IPPK: variants seen among roughly 807,000 people sequenced by gnomAD.
IPPK encodes inositol-pentakisphosphate 2-kinase.
A neutral mutation model predicts 64.6 loss-of-function variants in IPPK; 22 were observed. That is an observed-to-expected ratio of 0.34 (90% CI 0.24 to 0.49). IPPK has a LOEUF of 0.49. Ranked by LOEUF, IPPK falls within the 20% of genes least tolerant of loss-of-function variation. The pLI, the probability that IPPK is intolerant of heterozygous loss-of-function variation, is 0.99. For missense variants in IPPK, 532 were observed against 630.7 expected (o/e 0.84, Z 1.68); for synonymous variants, 262 against 247.2 (o/e 1.06, Z -0.56).
At chr9:92,665,532 C>A (rs1852576682) in intron 1 of IPPK, among the ~76,000 whole-genome samples, 1 of 123,688 alleles carries the variant, frequency 8.1e-6, no homozygotes, top group Non-Finnish European at 1.6e-5. Context: ...AAAAATTAAT[C>A]TTTTTTCCTG....
chr9:92,649,070 C>G (rs1852205205), intron 5 of IPPK, among the ~76,000 whole-genome samples: 1 of 152,206 alleles, frequency 6.6e-6, no homozygotes, highest in South Asian at 2.1e-4. Flanking sequence ...GCAGGCATGG[C>G]CAGCAGGGAG....
In IPPK at chr9:92,614,962, A is replaced by G. The variant is rs1358737493; in HGVS notation, c.*870T>C. The G allele has an allele frequency of 6.6e-6, 1 of 152,284 alleles. No individual in the cohort carries two copies. Among genetic ancestry groups the G allele is most frequent in the African/African-American group, 2.4e-5 (1 of 41,430 alleles). 9.4% of individuals were successfully genotyped at this position (152,284 alleles called of 1,614,324 possible). A position where few individuals can be genotyped will look rare whatever the true frequency, so the allele number is the denominator to read the frequency against. On this transcript the variant is annotated 3_prime_UTR_variant, in exon 13 of 13. Coordinates refer to ENST00000287996, the MANE Select transcript of IPPK (RefSeq NM_022755.6). The stretch of plus-strand genomic sequence containing the variant: ...CGAGGGAGGAACTTGGTCTGGGAGG[A>G]AGAGAGAACTCGCTCCTCAACCACC...
chr9:92,636,899 G>A (rs1163114802), intron 9 of IPPK, among the ~76,000 whole-genome samples: 1 of 152,068 alleles, frequency 6.6e-6, no homozygotes, highest in Admixed American at 6.6e-5. Context: ...GGTGCCATCT[G>A]TCGTTGCAGA....
In IPPK at chr9:92,638,267, A is replaced by G; in HGVS notation, c.650T>C (p.Ile217Thr). The G allele has an allele frequency of 6.2e-7, 1 of 1,613,330 alleles. No individual in the cohort carries two copies. Among genetic ancestry groups the G allele is most frequent in the Non-Finnish European group, 8.5e-7 (1 of 1,179,382 alleles). ...NLKIFKNGEL[I>T]YGCKDARSPV... ...GCTCCGGGCATCTTTGCAGCCGTAA[A>G]TCAGCTCACCATTCTTCAGACAGGG... Residue 217 changes from isoleucine to threonine, a missense_variant, in exon 9 of 13, where the codon ATT (isoleucine) becomes ACT (threonine). Coordinates refer to ENST00000287996, the MANE Select transcript of IPPK (RefSeq NM_022755.6).
chr9:92,627,788 A>G (rs866120049), intron 11 of IPPK, among the ~76,000 whole-genome samples: 4 of 152,232 alleles, frequency 2.6e-5, no homozygotes, highest in African/African-American at 9.6e-5. Context: ...GACCAAGAAC[A>G]AATCAGGGAT....
intron 4 of IPPK, among the ~76,000 whole-genome samples, chr9:92,651,502 A>G (rs1274133110): frequency 6.6e-6 from 1 of 152,246 alleles, no homozygotes; most frequent in East Asian, 1.9e-4. Context: ...CCTGTTCCTC[A>G]GAAGGACACA....
At position 92,636,574 on chromosome 9, in the gene IPPK, G is replaced by C. The variant is rs573400104; in HGVS notation, c.917-1266C>G. Among the ~76,000 whole-genome samples the C allele has an allele frequency of 2.0e-5, 3 of 152,250 alleles. No individual in the cohort carries two copies. The South Asian group carries it at 6.2e-4, about 32-fold the overall frequency. ...GAAGATCACTTGAGCCCTGGAGGTG[G>C]AGGTTGCAGTGAGCCAAGTTCACAC... On this transcript the variant is annotated intron_variant, in intron 9 of 12. Transcript: ENST00000287996.
rs1334945587 is a variant in IPPK, at chr9:92,613,933, A to AC, written c.*1898dup. 2 of 152,234 alleles carry AC rather than the reference A, an allele frequency of 1.3e-5. No individual in the cohort carries two copies. The highest frequency in any genetic ancestry group is 2.9e-5 in the Non-Finnish European group (2 of 68,064). 9.4% of individuals were successfully genotyped at this position (152,234 alleles called of 1,614,324 possible). On this transcript the variant is annotated 3_prime_UTR_variant, in exon 13 of 13. Coordinates refer to ENST00000287996, the MANE Select transcript of IPPK (RefSeq NM_022755.6). ...TCTCAAACCAGTCAGGGCCGTCATG[A>AC]CTACGCAGCAGCAGCAGTTTCCAAG...
intron 11 of IPPK, 149 bp from the exon 12 acceptor site, chr9:92,619,714 GC>G: frequency 1.4e-6 from 1 of 700,196 alleles, no homozygotes; most frequent in Non-Finnish European, 2.5e-6. Flanking sequence ...GTGAGCACGG[GC>G]GTCAGGAGGT....
chr9:92,621,023 G>A (rs943298615), intron 11 of IPPK, among the ~76,000 whole-genome samples: 6 of 152,214 alleles, frequency 3.9e-5, no homozygotes, highest in East Asian at 1.9e-4. Context: ...GGCGAGAGCC[G>A]ACTTCCTTAT....
chr9:92,635,909 G>A lies in IPPK; in HGVS notation c.917-601C>T, dbSNP rs991930998. Reference sequence around the variant, plus strand: ...CCAGAGCCATGAGCCCACACTGAGAGGCAGGTAAGACCTGGGCTGGCGACA... The same window carrying A: ...CCAGAGCCATGAGCCCACACTGAGAAGCAGGTAAGACCTGGGCTGGCGACA... On this transcript the variant is annotated intron_variant, in intron 9 of 12. Coordinates refer to ENST00000287996, the MANE Select transcript of IPPK (RefSeq NM_022755.6). The surrounding 1 kb of genome is among the most constrained non-coding windows in gnomAD (Gnocchi z 4.4). 1.3e-5 allele frequency among the ~76,000 whole-genome samples: 2 copies of A among 152,098 alleles called. No individual in the cohort carries two copies. The highest frequency in any genetic ancestry group is 4.8e-5 in the African/African-American group (2 of 41,428).
In IPPK at chr9:92,637,991, T is replaced by C. The variant is rs766141648; in HGVS notation, c.916+10A>G. ...CCCCCACCGCCTACCTGGGGAAGGC[T>C]GGGCCCTACCTTGGCAGCGAAGGCT... On this transcript the variant is annotated intron_variant, in intron 9 of 12. Coordinates refer to ENST00000287996, the MANE Select transcript of IPPK (RefSeq NM_022755.6). The C allele has an allele frequency of 4.8e-5, 74 of 1,545,406 alleles. No individual in the cohort carries two copies. The highest frequency in any genetic ancestry group is 6.3e-5 in the Non-Finnish European group (72 of 1,144,780).
At chr9:92,666,502 G>C (rs1370366833) in intron 1 of IPPK, among the ~76,000 whole-genome samples, 2 of 152,174 alleles carry the variant, frequency 1.3e-5, no homozygotes, top group East Asian at 3.9e-4. Flanking sequence ...GCCCAGATGG[G>C]AAGTTCCCTC....
chr9:92,639,011 GTAGCAACTCT>G (rs1197161350), intron 8 of IPPK, among the ~76,000 whole-genome samples: 2 of 152,176 alleles, frequency 1.3e-5, no homozygotes, highest in African/African-American at 4.8e-5. Flanking sequence ...CCCCAGGAGA[GTAGCAACTCT>G]TTAAACCTTA....
chr9:92,670,088 G>A lies in IPPK; in HGVS notation c.-100C>T. 4.0e-6 allele frequency: 3 copies of A among 756,080 alleles called. No homozygotes were observed. Among genetic ancestry groups the A allele is most frequent in the South Asian group, 2.0e-5 (1 of 50,014 alleles). 46.8% of individuals were successfully genotyped at this position (756,080 alleles called of 1,614,324 possible). On this transcript the variant is annotated 5_prime_UTR_variant, in exon 1 of 13. Transcript: ENST00000287996. ...ACCAGCCGCTGCGGTCGGGGGAGGA[G>A]CGCCTGTCAGCTGCCGCCCCCGCTC...
intron 11 of IPPK, among the ~76,000 whole-genome samples, chr9:92,626,289 C>T (rs554522882): frequency 1.8e-3 from 271 of 152,112 alleles, no homozygotes; most frequent in African/African-American, 6.1e-3. Flanking sequence ...CCCAGCTACT[C>T]GGGAGGCTGA....
At chr9:92,621,920 C>T (rs1419339275) in intron 11 of IPPK, among the ~76,000 whole-genome samples, 30 of 152,146 alleles carry the variant, frequency 2.0e-4, no homozygotes, top group Admixed American at 6.5e-5. Flanking sequence ...TGAACACAGA[C>T]ATTACAAAAA....
intron 9 of IPPK, among the ~76,000 whole-genome samples, 157 bp downstream of exon 9, chr9:92,637,837 GGGTGAGA>G (rs1271801671): frequency 6.6e-6 from 1 of 152,194 alleles, no homozygotes; most frequent in Non-Finnish European, 1.5e-5. Flanking sequence ...CTGCATCTGG[GGGTGAGA>G]GGCAGCGAGG....
chr9:92,668,085 C>G (rs577637172), intron 1 of IPPK, among the ~76,000 whole-genome samples: 1 of 151,856 alleles, frequency 6.6e-6, no homozygotes, highest in Non-Finnish European at 1.5e-5. Context: ...CTGGTCAACA[C>G]GGTGAAACCT....
Sources: allele counts gnomAD v4.1 joint callset (sites outside exome capture counted in the v4.1 genomes callset), GRCh38; gene constraint gnomAD v4.1.1; non-coding constraint Gnocchi (gnomAD v3.1); transcripts MANE v1.5; gene names NCBI Gene and HGNC (gene_info 2026-07-23, HGNC 2026-07-21).